CACNA1G: variants seen among roughly 807,000 people sequenced by gnomAD.
CACNA1G encodes the protein voltage-dependent T-type calcium channel subunit alpha-1G.
In CACNA1G, 67 loss-of-function variants were observed where a neutral mutation model predicts 219.4. The ratio of observed to expected loss-of-function variants is 0.31; its 90% CI spans 0.25 to 0.37. The LOEUF is 0.37. Ranked by LOEUF, CACNA1G falls within the 10% of genes least tolerant of loss-of-function variation. CACNA1G has a pLI of 1.00. For synonymous variants in CACNA1G, 1,296 were observed against 1,345.3 expected, an observed-to-expected ratio of 0.96 and a Z score of 0.80; for missense variants, 2,380 against 3,231.4, an observed-to-expected ratio of 0.74 and a Z score of 6.39.
Position 50,617,450 on chromosome 17 carries a change from G to A in CACNA1G, c.5034G>A (p.Leu1678=). Residue 1678 remains leucine, a synonymous_variant, in exon 29 of 38, where the codon CTG becomes CTA. Coordinates refer to ENST00000359106, the MANE Select transcript of CACNA1G (RefSeq NM_018896.5). The surrounding 1 kb of genome is among the most constrained non-coding windows in gnomAD (Gnocchi z 5.8). ...CTGGGCTTTCCAGGTGGAACCAGCT[G>A]GACCTGGCCATTGTGCTGCTGTCCA... ...RRFFQDRWNQ[L]DLAIVLLSIM... 6.2e-7 allele frequency: 1 copy of A among 1,613,558 alleles called. No individual in the cohort carries two copies. Among genetic ancestry groups the A allele is most frequent in the Non-Finnish European group, 8.5e-7 (1 of 1,179,622 alleles).
chr17:50,602,691 G>A lies in CACNA1G; in HGVS notation c.3916-129G>A, dbSNP rs535574803. ...GTATGAGAGGGGCGTGATCTACATTGTTGTGGAGGGTGGGGGTCGTTTTCT... is the reference window on the plus strand; with the variant it reads ...GTATGAGAGGGGCGTGATCTACATTATTGTGGAGGGTGGGGGTCGTTTTCT... On this transcript the variant is annotated intron_variant, in intron 19 of 37. Transcript: ENST00000359106. The A allele has an allele frequency of 6.2e-4, 470 of 752,216 alleles. 4 individuals are homozygous for A. Among genetic ancestry groups the A allele is most frequent in the Admixed American group, 5.1e-4 (25 of 48,918 alleles). 46.6% of individuals were successfully genotyped at this position (752,216 alleles called of 1,614,324 possible).
In CACNA1G at chr17:50,590,578, C is replaced by T. The variant is rs1169370570; in HGVS notation, c.2409C>T (p.Ile803=). The T allele has an allele frequency of 6.2e-7, 1 of 1,613,918 alleles. No individual in the cohort carries two copies. The highest frequency in any genetic ancestry group is 8.5e-7 in the Non-Finnish European group (1 of 1,179,814). ...TTGTGTATGGTCCCTTTGGCTACAT[C>T]AAGAATCCCTACAACATCTTCGATG... ...KLLVYGPFGY[I]KNPYNIFDGV... Residue 803 remains isoleucine, a synonymous_variant, in exon 10 of 38, where the codon ATC becomes ATT. Transcript: ENST00000359106.
At chr17:50,589,810 C>T (rs1357583481) in intron 9 of CACNA1G, among the ~76,000 whole-genome samples, 3 of 152,136 alleles carry the variant, frequency 2.0e-5, no homozygotes, top group African/African-American at 4.8e-5. Flanking sequence ...CCAGGTGTCT[C>T]CTCAACTGTG....
At chr17:50,625,390 G>A (rs2053495023) in intron 37 of CACNA1G, among the ~76,000 whole-genome samples, 1 of 152,232 alleles carries the variant, frequency 6.6e-6, no homozygotes, top group African/African-American at 2.4e-5. Flanking sequence ...TAGTCACTAA[G>A]CAGCCTCTGT....
In CACNA1G at chr17:50,603,351, G is replaced by C. The variant is rs543987425; in HGVS notation, c.4169+152G>C. Among the ~76,000 whole-genome samples the C allele has an allele frequency of 6.6e-6, 1 of 152,162 alleles. No individual in the cohort carries two copies. Among genetic ancestry groups the C allele is most frequent in the African/African-American group, 2.4e-5 (1 of 41,432 alleles). On this transcript the variant is annotated intron_variant, in intron 21 of 37. Transcript: ENST00000359106. This position sits in a 1 kb window ranked among gnomAD's most constrained non-coding sequence, Gnocchi z 6.4. ...CACAGGCGATCCTGTCCCCGCCCCAGACAACACTCAGATTACGGCCGCAGT... is the reference window on the plus strand; with the variant it reads ...CACAGGCGATCCTGTCCCCGCCCCACACAACACTCAGATTACGGCCGCAGT...
At position 50,569,299 on chromosome 17, in the gene CACNA1G, G is replaced by A. The variant is rs1331961840; in HGVS notation, c.488+1G>A. On this transcript the variant is annotated splice_donor_variant, in intron 3 of 37. Transcript: ENST00000359106. LOFTEE classifies it high-confidence loss of function. ...TTGACTTTTTCATCGTCATCGCAGG[G>A]TGAGGACCTGGGCTGGGGTGGGAGA... The A allele has an allele frequency of 6.2e-7, 1 of 1,613,500 alleles. No individual in the cohort carries two copies. Among genetic ancestry groups the A allele is most frequent in the African/African-American group, 1.3e-5 (1 of 74,974 alleles).
intron 9 of CACNA1G, among the ~76,000 whole-genome samples, chr17:50,579,516 T>C (rs1005855133): frequency 1.3e-5 from 2 of 152,062 alleles, no homozygotes; most frequent in Non-Finnish European, 2.9e-5. Flanking sequence ...TTTCCAGAAG[T>C]CGCTCCCCCT....
rs780383374 is a variant in CACNA1G at position 50,617,413 on chromosome 17, G to C, written c.5022-25G>C. 2 of 1,595,664 alleles carry C rather than the reference G, an allele frequency of 1.3e-6. No homozygotes were observed. ...TTCAGGAACCCCCTCCCCCAACTCAGGGAGCTGTATTCTGGGCTTTCCAGG... is the reference window on the plus strand; with the variant it reads ...TTCAGGAACCCCCTCCCCCAACTCACGGAGCTGTATTCTGGGCTTTCCAGG... On this transcript the variant is annotated intron_variant, in intron 28 of 37. Coordinates refer to ENST00000359106, the MANE Select transcript of CACNA1G (RefSeq NM_018896.5). The surrounding 1 kb of genome is among the most constrained non-coding windows in gnomAD (Gnocchi z 5.8).
At position 50,596,976 on chromosome 17, in the gene CACNA1G, GGAGGAAGA is replaced by G; in HGVS notation, c.3258+59_3258+66del. On this transcript the variant is annotated intron_variant, in intron 16 of 37. Coordinates refer to ENST00000359106, the MANE Select transcript of CACNA1G (RefSeq NM_018896.5). This position sits in a 1 kb window ranked among gnomAD's most constrained non-coding sequence, Gnocchi z 4.8. ...GGTGGGAGATATTCCAAGGAGGACA[GGAGGAAGA>G]GAGGATGGAGGCAGGCGGGTCCAAG... is the stretch of plus-strand genomic sequence containing the variant. 1.4e-6 allele frequency: 2 copies of G among 1,444,986 alleles called. No individual in the cohort carries two copies. The highest frequency in any genetic ancestry group is 1.8e-6 in the Non-Finnish European group (2 of 1,085,310). 89.5% of individuals were successfully genotyped at this position (1,444,986 alleles called of 1,614,324 possible).
intron 28 of CACNA1G, 55 bp downstream of exon 28, chr17:50,616,439 T>C: frequency 9.3e-7 from 1 of 1,072,466 alleles, no homozygotes; most frequent in Non-Finnish European, 1.4e-6. Context: ...AAGGAATGAG[T>C]CTCTTGGGGA....
In CACNA1G at chr17:50,621,820, C is replaced by G. The variant is rs2052159528; in HGVS notation, c.6060+26C>G. 1 of 1,611,188 alleles carries G rather than the reference C, an allele frequency of 6.2e-7. No homozygotes were observed. The highest frequency in any genetic ancestry group is 8.5e-7 in the Non-Finnish European group (1 of 1,179,410). On this transcript the variant is annotated intron_variant, in intron 35 of 37. Coordinates refer to ENST00000359106, the MANE Select transcript of CACNA1G (RefSeq NM_018896.5). The surrounding 1 kb of genome is among the most constrained non-coding windows in gnomAD (Gnocchi z 4.6). Reference sequence around the variant, plus strand: ...GTACATACACACTGCCCTCACTGCTCCCGGCCACCCCCGGGGCTGGACTGG... The same window carrying G: ...GTACATACACACTGCCCTCACTGCTGCCGGCCACCCCCGGGGCTGGACTGG...
chr17:50,578,158 G>C lies in CACNA1G; in HGVS notation c.1925-30G>C. 6.6e-7 allele frequency: 1 copy of C among 1,514,336 alleles called. No individual in the cohort carries two copies. The highest frequency in any genetic ancestry group is 8.8e-7 in the Non-Finnish European group (1 of 1,133,866). The allele number at this position is 1,514,336 out of a possible 1,614,324, so 93.8% of individuals were successfully genotyped here. ...GGGTAGCCCCAGGTACGAGACTCTG[G>C]AGCCTCTCACCTCTACTCTCCTGTT... On this transcript the variant is annotated intron_variant, in intron 8 of 37. Transcript: ENST00000359106. The surrounding 1 kb of genome is among the most constrained non-coding windows in gnomAD (Gnocchi z 4.5).
At chr17:50,607,697 A>G in intron 24 of CACNA1G, 130 bp from the exon 25 acceptor site, 1 of 729,000 alleles carries the variant, frequency 1.4e-6, no homozygotes, top group South Asian at 1.6e-5. Flanking sequence ...TCAAACCCAC[A>G]CCATTCATTT....
rs1227851695 is a variant in CACNA1G at position 50,575,662 on chromosome 17, C to T, written c.1260C>T (p.Ala420=). 6.2e-7 allele frequency: 1 copy of T among 1,613,292 alleles called. No homozygotes were observed. The highest frequency in any genetic ancestry group is 1.3e-5 in the African/African-American group (1 of 74,908). The stretch of plus-strand genomic sequence containing the variant: ...AGCGTGTGCGGTTCCTGTCCAACGC[C>T]AGCACCCTGGCTAGCTTCTCTGAGC... ...REQRVRFLSN[A]STLASFSEPG... Residue 420 remains alanine, a synonymous_variant, in exon 8 of 38, where the codon GCC becomes GCT. Transcript: ENST00000359106.
intron 1 of CACNA1G, among the ~76,000 whole-genome samples, chr17:50,568,419 G>T (rs1291591821): frequency 6.6e-6 from 1 of 152,214 alleles, no homozygotes. Flanking sequence ...GTGTGAAAGT[G>T]CTTGGTAAAC....
intron 27 of CACNA1G, among the ~76,000 whole-genome samples, chr17:50,615,809 G>C (rs951694551): frequency 2.6e-5 from 4 of 152,206 alleles, no homozygotes; most frequent in African/African-American, 9.7e-5. Context: ...GGATCTTTGA[G>C]GGTAAAAAGG....
At chr17:50,593,890 G>T (rs1391054088) in intron 13 of CACNA1G, among the ~76,000 whole-genome samples, 1 of 152,222 alleles carries the variant, frequency 6.6e-6, no homozygotes, top group African/African-American at 2.4e-5. Flanking sequence ...GGGCAGGGCT[G>T]GGGAGTGTCC....
At chr17:50,586,152 C>T (rs2042943783) in intron 9 of CACNA1G, among the ~76,000 whole-genome samples, 1 of 152,176 alleles carries the variant, frequency 6.6e-6, no homozygotes, top group African/African-American at 2.4e-5. Context: ...CTCTACCCTC[C>T]AAGCCGTCCA....
At chr17:50,564,856 AG>A (rs540990577) in intron 1 of CACNA1G, among the ~76,000 whole-genome samples, 10 of 151,762 alleles carry the variant, frequency 6.6e-5, no homozygotes, top group Non-Finnish European at 1.3e-4. Context: ...AATGGGATTG[AG>A]GGGGGGCCAG....
Sources: allele counts gnomAD v4.1 joint callset (sites outside exome capture counted in the v4.1 genomes callset), GRCh38; gene constraint gnomAD v4.1.1; non-coding constraint Gnocchi (gnomAD v3.1); transcripts MANE v1.5; gene names NCBI Gene and HGNC (gene_info 2026-07-23, HGNC 2026-07-21).